Variants in PCDHA5 observed in about 807,000 individuals in gnomAD.
The protein encoded by PCDHA5 is protocadherin alpha 5.
A neutral mutation model predicts 61.6 loss-of-function variants in PCDHA5; 43 were observed. The ratio of observed to expected loss-of-function variants is 0.70; its 90% CI spans 0.55 to 0.90. The LOEUF (loss-of-function observed/expected upper bound fraction) is 0.90, where lower values mean the gene tolerates loss of function less well. Among genes scored for constraint, PCDHA5 ranks in the 40% least tolerant of loss-of-function variants. PCDHA5 has a pLI of 0.00. For synonymous variants in PCDHA5, 627 were observed against 543.9 expected, an observed-to-expected ratio of 1.15 and a Z score of -2.13; for missense variants, 1,298 against 1,222.7, an observed-to-expected ratio of 1.06 and a Z score of -0.92.
intron 1 of PCDHA5, chr5:140,871,378 T>C: frequency 6.2e-7 from 1 of 1,614,188 alleles, no homozygotes; most frequent in South Asian, 1.1e-5. Context: ...GAGGGTGTGC[T>C]CTGAGGAGGG....
At position 140,843,258 on chromosome 5, in the gene PCDHA5, G is replaced by T. The variant is rs2150356116; in HGVS notation, c.2352+19131G>T. 2 of 1,596,068 alleles carry T rather than the reference G, an allele frequency of 1.3e-6. 1 individual carries two copies. The highest frequency in any genetic ancestry group is 3.4e-5 in the Admixed American group (2 of 59,332). ...GACGAAGCGGACTCTCCGCGCCACC[G>T]TCTGCTGGTCCTGGTGAAGGATCAT... On this transcript the variant is annotated intron_variant, in intron 1 of 3. Coordinates refer to ENST00000529859, the MANE Select transcript of PCDHA5 (RefSeq NM_018908.3).
chr5:140,971,192 A>G (rs1450514781), intron 1 of PCDHA5, among the ~76,000 whole-genome samples: 3 of 152,178 alleles, frequency 2.0e-5, no homozygotes, highest in Non-Finnish European at 4.4e-5. Context: ...GGAAGCTCAG[A>G]GGAAAGACAC....
intron 1 of PCDHA5, among the ~76,000 whole-genome samples, chr5:140,925,768 G>A (rs1018599372): frequency 6.6e-6 from 1 of 151,870 alleles, no homozygotes; most frequent in Admixed American, 6.6e-5. Flanking sequence ...TAGTTTCCTG[G>A]TCAAACTCTA....
rs192086826 is a variant in PCDHA5, at chr5:140,981,520, G to C, written c.2412-955G>C. ...ACCTGGGAGGCAGAGGTTGCAGTGA[G>C]CTGAGATCGTGCCACTGTACTCCAG... On this transcript the variant is annotated intron_variant, in intron 2 of 3. Coordinates refer to ENST00000529859, the MANE Select transcript of PCDHA5 (RefSeq NM_018908.3). Among the ~76,000 whole-genome samples the C allele has an allele frequency of 3.3e-5, 5 of 152,342 alleles. No homozygotes were observed. The East Asian group carries it at 9.6e-4, about 29-fold the overall frequency.
intron 1 of PCDHA5, among the ~76,000 whole-genome samples, chr5:140,976,160 T>A (rs1554237376): frequency 6.6e-6 from 1 of 152,196 alleles, no homozygotes; most frequent in Admixed American, 6.5e-5. Context: ...TTTTACTACT[T>A]TTAGTTTTGT....
chr5:140,843,262 G>T (rs2150356218), intron 1 of PCDHA5: 4 of 1,596,090 alleles, frequency 2.5e-6, no homozygotes, highest in Admixed American at 1.7e-5. Flanking sequence ...GCCACCGTCT[G>T]CTGGTCCTGG....
intron 1 of PCDHA5, chr5:140,856,194 A>G (rs1299614347): frequency 1.3e-6 from 2 of 1,598,082 alleles, no homozygotes; most frequent in Non-Finnish European, 1.7e-6. Context: ...CGCATCGCGC[A>G]GGACCTGGGG....
chr5:140,922,381 A>T (rs1554200794), intron 1 of PCDHA5, among the ~76,000 whole-genome samples: 2 of 152,208 alleles, frequency 1.3e-5, no homozygotes, highest in Admixed American at 6.5e-5. Flanking sequence ...TGCAAAACCA[A>T]AGACTCCTTG....
rs1554128638 is a variant in PCDHA5, at chr5:140,822,442, G to T, written c.667G>T (p.Gly223Cys). ...ATDGGKPELT[G>C]TVQLLINVLD... ...TGATGGAGGAAAACCCGAACTAACA[G>T]GTACAGTTCAGTTGTTGATCAATGT... The change falls in exon 1 of 4, where the codon GGT becomes TGT. Residue 223 changes from glycine (G) to cysteine (C), a missense_variant. Gly to Cys is a radical substitution (Grantham distance 159). Transcript: ENST00000529859. 4 of 1,613,740 alleles carry T rather than the reference G, an allele frequency of 2.5e-6. No homozygotes were observed. Among genetic ancestry groups the T allele is most frequent in the Non-Finnish European group, 3.4e-6 (4 of 1,179,806 alleles).
intron 2 of PCDHA5, among the ~76,000 whole-genome samples, chr5:140,979,418 T>A (rs895579689): frequency 3.3e-5 from 5 of 152,178 alleles, no homozygotes; most frequent in South Asian, 2.1e-4. Flanking sequence ...GTTTTTTTTT[T>A]AATCTCACAT....
chr5:140,869,465 T>G (rs1291817814), intron 1 of PCDHA5: 7 of 1,614,026 alleles, frequency 4.3e-6, no homozygotes, highest in Non-Finnish European at 5.9e-6. Context: ...CATGTGAACG[T>G]GGAGGTGAAG....
intron 1 of PCDHA5, chr5:140,926,634 T>C (rs2083423230): frequency 6.8e-6 from 3 of 438,778 alleles, no homozygotes; most frequent in Non-Finnish European, 1.2e-5. Context: ...GCTGCGCTCC[T>C]CAACACCCGG....
chr5:140,899,191 C>G (rs1583332627), intron 1 of PCDHA5, among the ~76,000 whole-genome samples: 2 of 151,090 alleles, frequency 1.3e-5, no homozygotes, highest in Non-Finnish European at 3.0e-5. Flanking sequence ...TTTCCTTCTC[C>G]TGCCTAATTG....
chr5:140,982,882 C>A (rs1554244920), intron 3 of PCDHA5, among the ~76,000 whole-genome samples: 1 of 151,972 alleles, frequency 6.6e-6, no homozygotes, highest in African/African-American at 2.4e-5. Flanking sequence ...CCAAGCCATG[C>A]AGAGAAGATC....
chr5:140,840,665 C>T (rs1298180893), intron 1 of PCDHA5, among the ~76,000 whole-genome samples: 2 of 151,998 alleles, frequency 1.3e-5, no homozygotes, highest in Non-Finnish European at 2.9e-5. Context: ...TATGCACATA[C>T]ATTTTTATTA....
chr5:140,849,958 C>A (rs2041255697), intron 1 of PCDHA5: 1 of 1,597,774 alleles, frequency 6.3e-7, no homozygotes, highest in East Asian at 2.2e-5. Flanking sequence ...CAGGAGAACG[C>A]CCTGGTGTCC....
At chr5:140,912,679 T>C (rs367681467) in intron 1 of PCDHA5, among the ~76,000 whole-genome samples, 6 of 152,216 alleles carry the variant, frequency 3.9e-5, no homozygotes, top group African/African-American at 1.4e-4. Context: ...CCTTGACTTA[T>C]TCCAGGTCTC....
chr5:140,969,110 C>T (rs1380719565), intron 1 of PCDHA5: 5 of 1,614,064 alleles, frequency 3.1e-6, no homozygotes, highest in Non-Finnish European at 3.4e-6. Flanking sequence ...CATTGAAGTT[C>T]GAGGGAATGG....
chr5:140,943,742 T>C (rs1326111617), intron 1 of PCDHA5, among the ~76,000 whole-genome samples: 2 of 152,200 alleles, frequency 1.3e-5, no homozygotes, highest in Non-Finnish European at 2.9e-5. Context: ...GTCCACAGTC[T>C]AAAAGCAGTA....
Sources: allele counts gnomAD v4.1 joint callset (sites outside exome capture counted in the v4.1 genomes callset), GRCh38; gene constraint gnomAD v4.1.1; transcripts MANE v1.5; gene names NCBI Gene and HGNC (gene_info 2026-07-23, HGNC 2026-07-21).